The following MYO1F variants were observed in gnomAD, a reference collection of about 807,000 sequenced individuals.
MYO1F encodes the protein unconventional myosin-If.
In MYO1F, 60 loss-of-function variants were observed where a neutral mutation model predicts 146.6. That is an observed-to-expected ratio of 0.41 (90% CI 0.33 to 0.51). MYO1F has a LOEUF of 0.51. MYO1F is among the 20% of genes least tolerant of loss of function. The probability of loss-of-function intolerance (pLI) is 0.25; values close to 1 mark genes in which losing one functional copy is unlikely to be tolerated. For missense variants in MYO1F, 1,274 were observed against 1,534.3 expected, an observed-to-expected ratio of 0.83 and a Z score of 2.83; for synonymous variants, 602 against 602.1, an observed-to-expected ratio of 1.00 and a Z score of 0.00.
At chr19:8,568,422 CAAAAAAAAAAAAAA>C (rs55833513) in intron 1 of MYO1F, among the ~76,000 whole-genome samples, 1 of 66,462 alleles carries the variant, frequency 1.5e-5, no homozygotes, top group Non-Finnish European at 2.5e-5. Context: ...GACTCCGTCT[CAAAAAAAAAAAAAA>C]AAAAAAAAAT....
rs542533213 is a variant in MYO1F at position 8,539,616 on chromosome 19, A to G, written c.1692+331T>C. ...GTCTCAAAAAAAAAAATTATTGGAT[A>G]TTATTAAGATGATAAATTTTATGTC... is the stretch of plus-strand genomic sequence containing the variant. On this transcript the variant is annotated intron_variant, in intron 16 of 27. Coordinates refer to ENST00000644032, the MANE Select transcript of MYO1F (RefSeq NM_012335.4). 1.2e-4 allele frequency among the ~76,000 whole-genome samples: 19 copies of G among 152,136 alleles called. No individual in the cohort carries two copies. The East Asian group carries it at 3.3e-3, about 26-fold the overall frequency.
rs917571101 is a variant in MYO1F at position 8,553,438 on chromosome 19, C to A, written c.327-1G>T. On this transcript the variant is annotated splice_acceptor_variant, in intron 4 of 27. Transcript: ENST00000644032. LOFTEE classifies it high-confidence loss of function. The stretch of plus-strand genomic sequence containing the variant: ...TGTCTTCCCAGCTCCACTCTCTCCA[C>A]TGGGGATGAATGGAGGAATAAATGA... 4 of 1,613,140 alleles carry A rather than the reference C, an allele frequency of 2.5e-6. No homozygotes were observed. The highest frequency in any genetic ancestry group is 3.4e-6 in the Non-Finnish European group (4 of 1,179,192).
At chr19:8,551,257 G>C (rs1338809853) in intron 8 of MYO1F, among the ~76,000 whole-genome samples, 1 of 151,816 alleles carries the variant, frequency 6.6e-6, no homozygotes, top group East Asian at 1.9e-4. Flanking sequence ...TCACTATGTT[G>C]GCCAGGCTGG....
At chr19:8,560,844 T>C (rs1974064420) in intron 1 of MYO1F, among the ~76,000 whole-genome samples, 1 of 151,100 alleles carries the variant, frequency 6.6e-6, no homozygotes, top group African/African-American at 2.4e-5. Context: ...GTTCACGCCA[T>C]TCTCCTGCCT....
At chr19:8,554,396 C>T (rs1249615900) in intron 4 of MYO1F, 81 bp downstream of exon 4, 2 of 1,215,566 alleles carry the variant, frequency 1.6e-6, no homozygotes, top group Non-Finnish European at 2.4e-6. Context: ...TTGGGAGTTT[C>T]AGGCAAACCT....
intron 1 of MYO1F, among the ~76,000 whole-genome samples, chr19:8,571,538 C>T (rs74631841): frequency 0.02 from 2,982 of 152,152 alleles, 49 homozygotes; most frequent in Non-Finnish European, 0.028. Flanking sequence ...CCTCAGCCTC[C>T]CGAGTAGCTG....
intron 1 of MYO1F, among the ~76,000 whole-genome samples, chr19:8,562,494 G>C (rs1477244040): frequency 1.3e-5 from 2 of 151,886 alleles, no homozygotes; most frequent in Admixed American, 1.3e-4. Context: ...GTTTTGTTCA[G>C]TGTGCTAAGA....
At chr19:8,533,747 TTGC>T (rs1256350889) in intron 19 of MYO1F, among the ~76,000 whole-genome samples, 2 of 152,162 alleles carry the variant, frequency 1.3e-5, no homozygotes, top group Non-Finnish European at 2.9e-5. Context: ...AGAGAATAAA[TTGC>T]TGTTGTGTTA....
At chr19:8,573,267 T>TG (rs2042144120) in intron 1 of MYO1F, among the ~76,000 whole-genome samples, 1 of 151,876 alleles carries the variant, frequency 6.6e-6, no homozygotes, top group South Asian at 2.1e-4. Flanking sequence ...GCCAAGATCA[T>TG]GCCACTGCAC....
At chr19:8,554,818 A>C (rs1973776953) in intron 2 of MYO1F, 75 bp from the exon 3 acceptor site, 1 of 1,336,982 alleles carries the variant, frequency 7.5e-7, no homozygotes, top group South Asian at 1.2e-5. Context: ...GCCCCCACCC[A>C]GGGCTTCCTA....
chr19:8,525,420 G>C (rs1352871739), intron 25 of MYO1F, 59 bp downstream of exon 25: 2 of 1,456,300 alleles, frequency 1.4e-6, no homozygotes, highest in African/African-American at 2.8e-5. Context: ...TGAAGGTCTG[G>C]CTTAGGCCAT....
rs2145878293 is a variant in MYO1F at position 8,543,260 on chromosome 19, C to T, written c.1524+1037G>A. Among the ~76,000 whole-genome samples the T allele has an allele frequency of 3.3e-5, 5 of 152,314 alleles. No individual in the cohort carries two copies. The South Asian group carries it at 1.0e-3, about 32-fold the overall frequency. ...ACTTCTGCTCTCATGTTGTGAGATC[C>T]TTGGATCACTGCCTGAGAGTGTAGT... On this transcript the variant is annotated intron_variant, in intron 14 of 27. Transcript: ENST00000644032.
Position 8,521,430 on chromosome 19 carries a change from C to T in MYO1F, c.*98G>A. On this transcript the variant is annotated 3_prime_UTR_variant, in exon 28 of 28. Coordinates refer to ENST00000644032, the MANE Select transcript of MYO1F (RefSeq NM_012335.4). The stretch of plus-strand genomic sequence containing the variant: ...GGACTGGACTTTTAGGCTATTGCAG[C>T]CCAGGTAAACGAGGCTCTCATTGGC... 1.5e-6 allele frequency: 2 copies of T among 1,311,790 alleles called. No homozygotes were observed. The highest frequency in any genetic ancestry group is 2.4e-5 in the South Asian group (2 of 82,054). The allele number at this position is 1,311,790 out of a possible 1,614,324, so 81.3% of individuals were successfully genotyped here. A position where few individuals can be genotyped will look rare whatever the true frequency, so the allele number is the denominator to read the frequency against.
At chr19:8,549,648 G>GA (rs1973518918) in intron 10 of MYO1F, 1 of 171,068 alleles carries the variant, frequency 5.8e-6, no homozygotes, top group Non-Finnish European at 1.3e-5. Context: ...AAGTAGCTGG[G>GA]ATTAAAGGCA....
chr19:8,565,033 A>G (rs1482287661), intron 1 of MYO1F, among the ~76,000 whole-genome samples: 3 of 151,660 alleles, frequency 2.0e-5, no homozygotes, highest in Non-Finnish European at 4.4e-5. Context: ...TCAGCCTCCC[A>G]CTGTGCTGGG....
intron 27 of MYO1F, 51 bp downstream of exon 27, chr19:8,522,326 T>G (rs1166483928): frequency 1.2e-6 from 2 of 1,611,656 alleles, no homozygotes; most frequent in African/African-American, 1.3e-5. Flanking sequence ...CCGGCCGATG[T>G]CAGGGTTCTT....
chr19:8,543,555 C>T (rs1658648101), intron 14 of MYO1F, among the ~76,000 whole-genome samples: 1 of 151,972 alleles, frequency 6.6e-6, no homozygotes, highest in South Asian at 2.1e-4. Flanking sequence ...ATTCTGTTCC[C>T]TCTGTTAGGG....
chr19:8,529,951 G>A, intron 21 of MYO1F: 1 of 627,870 alleles, frequency 1.6e-6, no homozygotes. Context: ...CTAGGCTGGG[G>A]GATAGATACC....
intron 23 of MYO1F, 62 bp from the exon 24 acceptor site, chr19:8,526,663 G>A: frequency 1.3e-6 from 2 of 1,555,212 alleles, no homozygotes; most frequent in Non-Finnish European, 1.7e-6. Context: ...CCCAACTCTC[G>A]CTGGTTGGGG....
Sources: gnomAD v4.1 joint callset for allele counts (sites outside exome capture counted in the v4.1 genomes callset) on GRCh38, gnomAD v4.1.1 for gene constraint, MANE v1.5 for transcripts, NCBI Gene and HGNC (gene_info 2026-07-23, HGNC 2026-07-21) for gene names.